KIAA0825: variants seen among roughly 807,000 people sequenced by gnomAD.
The protein encoded by KIAA0825 is KIAA0825, also known as uncharacterized protein KIAA0825.
Under a neutral mutation model 147.6 loss-of-function variants are expected in KIAA0825, and 119 were observed. The observed-to-expected ratio is 0.81, with a 90% confidence interval of 0.69 to 0.94. The LOEUF is 0.94. Ranked by LOEUF, KIAA0825 falls within the 40% of genes least tolerant of loss-of-function variation. The pLI, the probability that KIAA0825 is intolerant of heterozygous loss-of-function variation, is 0.00. For missense variants in KIAA0825, 1,381 were observed against 1,472.7 expected, an observed-to-expected ratio of 0.94 and a Z score of 1.02; for synonymous variants, 470 against 518.1, an observed-to-expected ratio of 0.91 and a Z score of 1.26.
intron 1 of KIAA0825, among the ~76,000 whole-genome samples, chr5:94,583,604 T>A (rs1006660232): frequency 2.0e-5 from 3 of 152,168 alleles, no homozygotes; most frequent in African/African-American, 7.2e-5. Flanking sequence ...AGGGCATATA[T>A]GAACAAAAGA....
At chr5:94,251,333 A>G (rs1454522187) in intron 20 of KIAA0825, among the ~76,000 whole-genome samples, 3 of 152,130 alleles carry the variant, frequency 2.0e-5, no homozygotes, top group South Asian at 4.1e-4. Context: ...CCCCACACAA[A>G]GCAAATACTA....
chr5:94,529,040 T>C (rs1769983657), intron 3 of KIAA0825, among the ~76,000 whole-genome samples: 2 of 151,714 alleles, frequency 1.3e-5, no homozygotes, highest in Non-Finnish European at 1.5e-5. Flanking sequence ...AGATTAGGTC[T>C]ACATCTTTAT....
intron 3 of KIAA0825, among the ~76,000 whole-genome samples, chr5:94,529,244 A>ATATGTATATAT (rs1561267886): frequency 1.9e-4 from 24 of 123,224 alleles, no homozygotes; most frequent in African/African-American, 4.4e-4. Flanking sequence ...ATGTATATAT[A>ATATGTATATAT]CATATATATG....
chr5:94,508,876 G>A (rs1042136430), intron 5 of KIAA0825, among the ~76,000 whole-genome samples: 1 of 152,120 alleles, frequency 6.6e-6, no homozygotes, highest in African/African-American at 2.4e-5. Flanking sequence ...TGTCTGACAC[G>A]GTCTGAAACC....
intron 20 of KIAA0825, among the ~76,000 whole-genome samples, chr5:94,224,808 T>C (rs553342481): frequency 1.2e-4 from 18 of 152,214 alleles, no homozygotes; most frequent in Non-Finnish European, 1.9e-4. Context: ...GTTCTGCTGA[T>C]GGCTGAATCT....
intron 20 of KIAA0825, among the ~76,000 whole-genome samples, chr5:94,230,051 T>C (rs1055166893): frequency 2.0e-5 from 3 of 152,162 alleles, no homozygotes; most frequent in Non-Finnish European, 4.4e-5. Context: ...TTGGAAGATA[T>C]GTGTTCGTGG....
At chr5:94,203,119 C>T (rs554547691) in intron 20 of KIAA0825, among the ~76,000 whole-genome samples, 3 of 152,262 alleles carry the variant, frequency 2.0e-5, no homozygotes, top group Non-Finnish European at 4.4e-5. Context: ...AAAGCATTAC[C>T]TGCCATTTTC....
At chr5:94,406,083 C>T (rs148503177) in intron 15 of KIAA0825, among the ~76,000 whole-genome samples, 199 of 152,096 alleles carry the variant, frequency 1.3e-3, no homozygotes, top group African/African-American at 4.6e-3. Context: ...TGCGCCACCA[C>T]GCCTGGCTAA....
intron 20 of KIAA0825, among the ~76,000 whole-genome samples, chr5:94,314,146 A>T (rs1779430799): frequency 6.6e-6 from 1 of 151,672 alleles, no homozygotes; most frequent in South Asian, 2.1e-4. Context: ...ACATACACAT[A>T]TGCTGTAACA....
intron 5 of KIAA0825, chr5:94,519,704 TACA>T (rs1257966141): frequency 1.3e-6 from 1 of 757,242 alleles, no homozygotes; most frequent in Non-Finnish European, 1.6e-6. Flanking sequence ...ACTAAAATAT[TACA>T]ACTTTTAAAT....
chr5:94,419,741 G>A (rs2150726912), intron 14 of KIAA0825, among the ~76,000 whole-genome samples: 1 of 152,260 alleles, frequency 6.6e-6, no homozygotes, highest in African/African-American at 2.4e-5. Flanking sequence ...TTGGCGGGGA[G>A]AAGATGACAG....
chr5:94,317,831 G>C (rs779396330), intron 20 of KIAA0825, among the ~76,000 whole-genome samples: 5 of 151,580 alleles, frequency 3.3e-5, no homozygotes, highest in Non-Finnish European at 5.9e-5. Flanking sequence ...CAAACCTATT[G>C]ATTTTATAAA....
intron 20 of KIAA0825, among the ~76,000 whole-genome samples, chr5:94,177,010 C>G (rs1769166133): frequency 6.6e-6 from 1 of 151,982 alleles, no homozygotes; most frequent in Non-Finnish European, 1.5e-5. Flanking sequence ...TATCCCCACC[C>G]CGAGCAAACA....
intron 20 of KIAA0825, among the ~76,000 whole-genome samples, chr5:94,316,220 A>G (rs900691214): frequency 1.3e-5 from 2 of 151,730 alleles, no homozygotes. Context: ...CTAAGACATT[A>G]GTAGTTATGA....
At position 94,529,318 on chromosome 5, in the gene KIAA0825, A is replaced by T. The variant is rs531232743; in HGVS notation, c.132-5220T>A. 1.1e-4 allele frequency among the ~76,000 whole-genome samples: 16 copies of T among 144,960 alleles called. No individual in the cohort carries two copies. In the South Asian group the frequency reaches 3.4e-3, roughly 30 times the overall value. ...TATCATATATATGTATATATCATAT[A>T]TATGTATATATCATATATATGTATA... On this transcript the variant is annotated intron_variant, in intron 3 of 20. Coordinates refer to ENST00000682413, the MANE Select transcript of KIAA0825 (RefSeq NM_001145678.3).
At chr5:94,416,820 C>T (rs188013346) in intron 15 of KIAA0825, 3 of 180,314 alleles carry the variant, frequency 1.7e-5, no homozygotes, top group Admixed American at 5.4e-5. Context: ...ATAGTATTGT[C>T]CATTAATTTG....
chr5:94,373,191 C>T (rs2150467608), intron 20 of KIAA0825, among the ~76,000 whole-genome samples: 1 of 152,312 alleles, frequency 6.6e-6, no homozygotes. Context: ...CCAAACTCTT[C>T]CACATTTTCC....
intron 20 of KIAA0825, among the ~76,000 whole-genome samples, chr5:94,379,836 AT>A (rs1332672097): frequency 1.5e-5 from 1 of 66,984 alleles, no homozygotes; most frequent in Non-Finnish European, 3.0e-5. Context: ...ATTCCTAGGT[AT>A]TTTATTCTTT....
chr5:94,450,338 T>C (rs1758245585), intron 13 of KIAA0825, among the ~76,000 whole-genome samples: 1 of 148,756 alleles, frequency 6.7e-6, no homozygotes, highest in African/African-American at 2.5e-5. Context: ...GTTAATTCCC[T>C]GCAAAACAAG....
Sources: allele counts gnomAD v4.1 joint callset (sites outside exome capture counted in the v4.1 genomes callset), GRCh38; gene constraint gnomAD v4.1.1; transcripts MANE v1.5; gene names NCBI Gene and HGNC (gene_info 2026-07-23, HGNC 2026-07-21).